The following CSMD1 variants were observed in gnomAD, a reference collection of about 807,000 sequenced individuals.
CSMD1 encodes the protein CUB and sushi domain-containing protein 1.
In CSMD1, 213 loss-of-function variants were observed where a neutral mutation model predicts 417.5. The ratio of observed to expected loss-of-function variants is 0.51; its 90% CI spans 0.46 to 0.57. The LOEUF is 0.57. Ranked by LOEUF, CSMD1 falls within the 20% of genes least tolerant of loss-of-function variation. CSMD1 has a pLI of 0.00. For synonymous variants in CSMD1, 2,862 were observed against 1,736.8 expected (o/e 1.65, Z -16.11); for missense variants, 6,923 against 4,529.7 (o/e 1.53, Z -15.17).
At chr8:4,125,026 G>C (rs1489901268) in intron 3 of CSMD1, among the ~76,000 whole-genome samples, 1 of 151,896 alleles carries the variant, frequency 6.6e-6, no homozygotes, top group African/African-American at 2.4e-5. Flanking sequence ...GCACACTCTT[G>C]GGGTCCGCAC....
At chr8:3,389,495 G>A (rs1424056275) in intron 17 of CSMD1, among the ~76,000 whole-genome samples, 1 of 152,028 alleles carries the variant, frequency 6.6e-6, no homozygotes, top group Non-Finnish European at 1.5e-5. Flanking sequence ...CTGATCTCTA[G>A]GTTTCTGGGG....
chr8:4,207,091 A>G (rs778961194), intron 3 of CSMD1, among the ~76,000 whole-genome samples: 55 of 152,174 alleles, frequency 3.6e-4, no homozygotes, highest in African/African-American at 8.9e-4. Flanking sequence ...CCAGAAAATT[A>G]AAGTGTTTTC....
rs578043036 is a variant in CSMD1 at position 3,682,506 on chromosome 8, C to T, written c.1009+25908G>A. Among the ~76,000 whole-genome samples, 48 of 152,292 alleles carry T rather than the reference C, an allele frequency of 3.2e-4. No individual in the cohort carries two copies. In the South Asian group the frequency reaches 9.7e-3, roughly 31 times the overall value. On this transcript the variant is annotated intron_variant, in intron 7 of 69. Coordinates refer to ENST00000635120, the MANE Select transcript of CSMD1 (RefSeq NM_033225.6). ...ACCACAATGAGATACCATCTCACAACAGTTGGAATGGCGATCATTAAAAAG... is the reference window on the plus strand; with the variant it reads ...ACCACAATGAGATACCATCTCACAATAGTTGGAATGGCGATCATTAAAAAG...
chr8:3,998,177 CCAAGTGT>C, intron 4 of CSMD1, 67 bp from the exon 5 acceptor site: 1 of 1,350,806 alleles, frequency 7.4e-7, no homozygotes, highest in Non-Finnish European at 1.0e-6. Context: ...AGTGTGTCCA[CCAAGTGT>C]CACTCTTGAT....
At chr8:3,283,793 A>T (rs1434710147) in intron 26 of CSMD1, among the ~76,000 whole-genome samples, 2 of 152,218 alleles carry the variant, frequency 1.3e-5, no homozygotes, top group African/African-American at 4.8e-5. Context: ...ACTAAATTCT[A>T]TCTTTTCGTC....
chr8:3,155,235 C>G (rs946093433), intron 39 of CSMD1, among the ~76,000 whole-genome samples: 1 of 151,688 alleles, frequency 6.6e-6, no homozygotes, highest in African/African-American at 2.4e-5. Flanking sequence ...CAATTCCTGA[C>G]TTTTAGGGAA....
intron 3 of CSMD1, among the ~76,000 whole-genome samples, chr8:4,319,298 C>T (rs1165252662): frequency 6.6e-6 from 1 of 152,194 alleles, no homozygotes. Context: ...TGCTTTTAAA[C>T]AGTTTCTTCT....
chr8:4,668,415 C>CATTATTGTTATT (rs761167253), intron 1 of CSMD1, among the ~76,000 whole-genome samples: 39 of 129,994 alleles, frequency 3.0e-4, no homozygotes, highest in African/African-American at 1.0e-3. Context: ...TGATGTTTTC[C>CATTATTGTTATT]ATTATTATTA....
chr8:3,910,830 A>C (rs760547558), intron 5 of CSMD1, among the ~76,000 whole-genome samples: 9 of 152,218 alleles, frequency 5.9e-5, no homozygotes, highest in Non-Finnish European at 1.3e-4. Context: ...GCTACAGGCC[A>C]AATCTCTATC....
chr8:3,651,829 C>G (rs1199874674), intron 7 of CSMD1, among the ~76,000 whole-genome samples: 1 of 151,810 alleles, frequency 6.6e-6, no homozygotes, highest in Non-Finnish European at 1.5e-5. Context: ...GCACCCACCA[C>G]CATCAGAGCA....
At chr8:4,468,973 G>C (rs1800356643) in intron 2 of CSMD1, among the ~76,000 whole-genome samples, 1 of 152,158 alleles carries the variant, frequency 6.6e-6, no homozygotes, top group African/African-American at 2.4e-5. Flanking sequence ...CATGATGTGA[G>C]ATGGGTATAG....
At chr8:3,288,843 T>C (rs1201581484) in intron 25 of CSMD1, among the ~76,000 whole-genome samples, 1 of 147,272 alleles carries the variant, frequency 6.8e-6, no homozygotes, top group East Asian at 2.0e-4. Context: ...TTTATTATTA[T>C]ACTTTAAGTT....
intron 50 of CSMD1, 77 bp downstream of exon 50, chr8:3,052,385 G>C: frequency 1.7e-6 from 2 of 1,172,186 alleles, no homozygotes; most frequent in Non-Finnish European, 2.4e-6. Flanking sequence ...TCTGAACGTG[G>C]GAACCCGGAC....
chr8:4,920,400 A>C (rs968603144), intron 1 of CSMD1, among the ~76,000 whole-genome samples: 1 of 152,246 alleles, frequency 6.6e-6, no homozygotes, highest in African/African-American at 2.4e-5. Context: ...GTATAAATCT[A>C]GGGAATTCAC....
intron 5 of CSMD1, among the ~76,000 whole-genome samples, chr8:3,980,233 T>A (rs183677082): frequency 2.4e-4 from 37 of 152,330 alleles, no homozygotes; most frequent in African/African-American, 8.2e-4. Context: ...ACCATTGGCA[T>A]AGATGGGAAC....
intron 5 of CSMD1, among the ~76,000 whole-genome samples, chr8:3,836,939 A>T (rs568021269): frequency 6.6e-6 from 1 of 152,050 alleles, no homozygotes; most frequent in African/African-American, 2.4e-5. Flanking sequence ...TCAATGCACT[A>T]AAGTTGGCAA....
rs375120698 is a variant in CSMD1, at chr8:4,302,229, C to G, written c.415+117724G>C. On this transcript the variant is annotated intron_variant, in intron 3 of 69. Coordinates refer to ENST00000635120, the MANE Select transcript of CSMD1 (RefSeq NM_033225.6). ...GCTTTAAATAGATGCAATGAAGGCCCAAAAGAAAAATGTAGTGTTTTAGGT... is the reference window on the plus strand; with the variant it reads ...GCTTTAAATAGATGCAATGAAGGCCGAAAAGAAAAATGTAGTGTTTTAGGT... 3.3e-5 allele frequency among the ~76,000 whole-genome samples: 5 copies of G among 152,040 alleles called. No individual in the cohort carries two copies. The East Asian group carries it at 9.7e-4, about 29-fold the overall frequency.
At chr8:4,057,565 T>C (rs1441036478) in intron 3 of CSMD1, among the ~76,000 whole-genome samples, 2 of 152,162 alleles carry the variant, frequency 1.3e-5, no homozygotes, top group Non-Finnish European at 2.9e-5. Flanking sequence ...ATTTTGGCTT[T>C]TGTTGCCATT....
chr8:4,319,294 TA>T (rs767141564), intron 3 of CSMD1, among the ~76,000 whole-genome samples: 62 of 152,166 alleles, frequency 4.1e-4, no homozygotes, highest in Non-Finnish European at 8.2e-4. Flanking sequence ...TCCTTGCTTT[TA>T]AACAGTTTCT....
Sources: allele counts gnomAD v4.1 joint callset (sites outside exome capture counted in the v4.1 genomes callset), GRCh38; gene constraint gnomAD v4.1.1; transcripts MANE v1.5; gene names NCBI Gene and HGNC (gene_info 2026-07-23, HGNC 2026-07-21).